Variants in FAN1 observed in about 807,000 individuals in gnomAD.
The protein encoded by FAN1 is fanconi-associated nuclease 1.
FAN1 carries 91 observed loss-of-function variants against 104.9 expected under a neutral mutation model. The ratio of observed to expected loss-of-function variants is 0.87; its 90% CI spans 0.73 to 1.03. The LOEUF is 1.03. Ranked by LOEUF, FAN1 falls within the 50% of genes least tolerant of loss-of-function variation. FAN1 has a pLI of 0.00. For missense variants in FAN1, 1,263 were observed against 1,239.9 expected, an observed-to-expected ratio of 1.02 and a Z score of -0.28; for synonymous variants, 478 against 457.6, an observed-to-expected ratio of 1.04 and a Z score of -0.57.
intron 6 of FAN1, among the ~76,000 whole-genome samples, chr15:30,919,131 G>A (rs1003516104): frequency 1.3e-5 from 2 of 151,824 alleles, no homozygotes; most frequent in Admixed American, 6.6e-5. Context: ...CTGTAATCCC[G>A]GCACTTTGGG....
In FAN1 at chr15:30,928,272, T is replaced by C. The variant is rs567564788; in HGVS notation, c.2489-281T>C. The C allele has an allele frequency of 3.3e-6, 4 of 1,214,604 alleles. No individual in the cohort carries two copies. The South Asian group carries it at 7.8e-5, about 24-fold the overall frequency. 75.2% of individuals were successfully genotyped at this position (1,214,604 alleles called of 1,614,324 possible). On this transcript the variant is annotated intron_variant, in intron 10 of 14. Coordinates refer to ENST00000362065, the MANE Select transcript of FAN1 (RefSeq NM_014967.5). ...TAAACATGTTTCTTAGGTTATTCAC[T>C]AAAGTTTGAGAACCACTGCTTTGTG... is the stretch of plus-strand genomic sequence containing the variant.
chr15:30,910,869 T>G, intron 4 of FAN1, 54 bp downstream of exon 4: 1 of 1,557,154 alleles, frequency 6.4e-7, no homozygotes, highest in Non-Finnish European at 8.7e-7. Flanking sequence ...TAGCACATAT[T>G]AACTTACAGT....
Position 30,905,350 on chromosome 15 carries a change from T to C in FAN1, c.687T>C (p.His229=), listed in dbSNP as rs750997311. 5 of 1,613,692 alleles carry C rather than the reference T, an allele frequency of 3.1e-6. No homozygotes were observed. In the African/African-American group the frequency reaches 5.3e-5, roughly 17 times the overall value. The part of the protein sequence containing the change: ...DSLKEECIPE[H]MVRGSKIMEA... ...TAAAGGAAGAGTGCATTCCTGAACA[T>C]ATGGTAAGAGGAAGTAAAATAATGG... The change falls in exon 2 of 15, where the codon CAT becomes CAC. Residue 229 remains histidine (H), a synonymous_variant. Coordinates refer to ENST00000362065, the MANE Select transcript of FAN1 (RefSeq NM_014967.5).
At position 30,905,175 on chromosome 15, in the gene FAN1, A is replaced by G. The variant is rs772956429; in HGVS notation, c.512A>G (p.Asp171Gly). ...RKYVKAKKSI[D>G]KDEEFAGSSP... ...TACGTAAAGGCTAAAAAATCAATAG[A>G]TAAGGATGAAGAATTTGCCGGTTCT... The change falls in exon 2 of 15, where the codon GAT (aspartate) becomes GGT (glycine). Residue 171 changes from aspartate (D) to glycine (G), a missense_variant. Coordinates refer to ENST00000362065, the MANE Select transcript of FAN1 (RefSeq NM_014967.5). 16 of 1,613,684 alleles carry G rather than the reference A, an allele frequency of 9.9e-6. No individual in the cohort carries two copies. Among genetic ancestry groups the G allele is most frequent in the Non-Finnish European group, 1.4e-5 (16 of 1,179,984 alleles).
In FAN1 at chr15:30,918,241, T is replaced by G. The variant is rs779229811; in HGVS notation, c.1889T>G (p.Leu630Arg). The G allele has an allele frequency of 6.2e-7, 1 of 1,614,130 alleles. No homozygotes were observed. The highest frequency in any genetic ancestry group is 1.1e-5 in the South Asian group (1 of 91,084). The change falls in exon 6 of 15, where the codon CTC (leucine) becomes CGC (arginine). Residue 630 changes from leucine to arginine, a missense_variant. Physicochemically the swap from Leu to Arg is moderately radical, Grantham distance 102. Transcript: ENST00000362065. ...GGGAACTGGGAAGAAGCTAAGGAGC[T>G]CGCTCAGTGTGCAAAAAGGGATTGG... ...ANGNWEEAKE[L>R]AQCAKRDWNR...
intron 4 of FAN1, chr15:30,911,155 T>C: frequency 4.8e-6 from 5 of 1,049,466 alleles, no homozygotes; most frequent in Non-Finnish European, 5.7e-6. Flanking sequence ...ATTTTAGTTT[T>C]TGTTTACTAA....
Position 30,942,391 on chromosome 15 carries a change from A to G in FAN1, c.*829A>G. On this transcript the variant is annotated 3_prime_UTR_variant, in exon 15 of 15. Coordinates refer to ENST00000362065, the MANE Select transcript of FAN1 (RefSeq NM_014967.5). ...CTAGACCTGGCCGATTCTATCAAGA[A>G]CAATGGCAAACTGAACAGAGGCAGT... 2 of 375,862 alleles carry G rather than the reference A, an allele frequency of 5.3e-6. No individual in the cohort carries two copies. The highest frequency in any genetic ancestry group is 7.5e-4 in the Middle Eastern group (1 of 1,332). 23.3% of individuals were successfully genotyped at this position (375,862 alleles called of 1,614,324 possible).
rs994969424 is a variant in FAN1, at chr15:30,942,509, A to T, written c.*947A>T. 3.7e-6 allele frequency: 1 copy of T among 271,082 alleles called. No individual in the cohort carries two copies. The highest frequency in any genetic ancestry group is 2.2e-5 in the African/African-American group (1 of 45,238). The allele number at this position is 271,082 out of a possible 1,614,324, so 16.8% of individuals were successfully genotyped here. ...AATCCCAAGAATTTATTTGGGAATT[A>T]TTAAAAAGGCAAACAATGAATGTTA... On this transcript the variant is annotated 3_prime_UTR_variant, in exon 15 of 15. Coordinates refer to ENST00000362065, the MANE Select transcript of FAN1 (RefSeq NM_014967.5).
chr15:30,940,487 CATT>C (rs1355321625), intron 14 of FAN1: 55 of 985,298 alleles, frequency 5.6e-5, no homozygotes, highest in Non-Finnish European at 6.4e-5. Context: ...CTCGTAACCT[CATT>C]AGTTATTTCC....
At chr15:30,936,342 G>A (rs899449273) in intron 13 of FAN1, among the ~76,000 whole-genome samples, 3 of 152,166 alleles carry the variant, frequency 2.0e-5, no homozygotes, top group Admixed American at 1.3e-4. Context: ...CCCAGGCAGC[G>A]GGAACAGCAA....
chr15:30,939,840 T>C, intron 14 of FAN1: 1 of 985,272 alleles, frequency 1.0e-6, no homozygotes, highest in Non-Finnish European at 1.2e-6. Context: ...AAATGTTTAA[T>C]AATTCTATTT....
Position 30,942,110 on chromosome 15 carries a change from C to A in FAN1, c.*548C>A, listed in dbSNP as rs763076573. The A allele has an allele frequency of 6.4e-7, 1 of 1,568,846 alleles. No homozygotes were observed. Reference sequence around the variant, plus strand: ...GATTTTATTATGTTCCGGGGATTCCCTTTTTAGAAAGATTGAAGGATGCAA... The same window carrying A: ...GATTTTATTATGTTCCGGGGATTCCATTTTTAGAAAGATTGAAGGATGCAA... On this transcript the variant is annotated 3_prime_UTR_variant, in exon 15 of 15. Transcript: ENST00000362065.
At chr15:30,918,439 C>T (rs2062240785) in intron 6 of FAN1, 144 bp downstream of exon 6, 8 of 790,410 alleles carry the variant, frequency 1.0e-5, no homozygotes, top group South Asian at 1.7e-5. Flanking sequence ...GCGTGCTTTG[C>T]CTAGAATGAA....
intron 2 of FAN1, among the ~76,000 whole-genome samples, chr15:30,906,767 A>G (rs7171389): frequency 0.038 from 5,719 of 152,276 alleles, 351 homozygotes; most frequent in African/African-American, 0.13. Context: ...CATGTGAGCG[A>G]TACTTCTCTG....
At position 30,938,219 on chromosome 15, in the gene FAN1, G is replaced by GT. The variant is rs1447498692; in HGVS notation, c.*3+963dup. The stretch of plus-strand genomic sequence containing the variant: ...AAATTTAAAAACTAGCATAACCAGT[G>GT]TTTCCTTCAAGTAATTAATTATATG... On this transcript the variant is annotated intron_variant, in intron 14 of 14. Coordinates refer to ENST00000362065, the MANE Select transcript of FAN1 (RefSeq NM_014967.5). 4.6e-5 allele frequency among the ~76,000 whole-genome samples: 7 copies of GT among 152,126 alleles called. No individual in the cohort carries two copies. The East Asian group carries it at 1.2e-3, about 25-fold the overall frequency.
chr15:30,941,302 A>AT (rs146513200), intron 14 of FAN1: 1 of 1,521,538 alleles, frequency 6.6e-7, no homozygotes, highest in East Asian at 2.5e-5. Flanking sequence ...CTCTCTTAAA[A>AT]TAAGTGTGAA....
chr15:30,911,561 C>T, intron 4 of FAN1: 5 of 968,768 alleles, frequency 5.2e-6, no homozygotes, highest in Non-Finnish European at 6.1e-6. Flanking sequence ...AATATAAATA[C>T]CAACACTTGA....
rs2063070479 is a variant in FAN1 at position 30,941,961 on chromosome 15, C to T, written c.*399C>T. Reference sequence around the variant, plus strand: ...TGGCTGTCGGTTTGCTGAGCTGGATCTGGCTTTGGTTTTAATATCAATGAA... The same window carrying T: ...TGGCTGTCGGTTTGCTGAGCTGGATTTGGCTTTGGTTTTAATATCAATGAA... On this transcript the variant is annotated 3_prime_UTR_variant, in exon 15 of 15. Coordinates refer to ENST00000362065, the MANE Select transcript of FAN1 (RefSeq NM_014967.5). 1 of 1,613,988 alleles carries T rather than the reference C, an allele frequency of 6.2e-7. No homozygotes were observed. Among genetic ancestry groups the T allele is most frequent in the Non-Finnish European group, 8.5e-7 (1 of 1,179,900 alleles).
At chr15:30,926,757 G>A in intron 10 of FAN1, 1 of 985,416 alleles carries the variant, frequency 1.0e-6, no homozygotes, top group Non-Finnish European at 1.2e-6. Flanking sequence ...GGAGGAAGCA[G>A]GCTGGGACGT....
Sources: gnomAD v4.1 joint callset for allele counts (sites outside exome capture counted in the v4.1 genomes callset) on GRCh38, gnomAD v4.1.1 for gene constraint, MANE v1.5 for transcripts, NCBI Gene and HGNC (gene_info 2026-07-23, HGNC 2026-07-21) for gene names.